COLEC10: variants seen among roughly 807,000 people sequenced by gnomAD.
COLEC10 encodes the protein collectin subfamily member 10.
A neutral mutation model predicts 28.4 loss-of-function variants in COLEC10; 22 were observed. The ratio of observed to expected loss-of-function variants is 0.78; its 90% CI spans 0.55 to 1.11. The LOEUF (loss-of-function observed/expected upper bound fraction) is 1.11. Among genes scored for constraint, COLEC10 ranks in the 50% least tolerant of loss-of-function variants. COLEC10 has a pLI of 0.00. For synonymous variants in COLEC10, 125 were observed against 116.1 expected, an observed-to-expected ratio of 1.08 and a Z score of -0.49; for missense variants, 361 against 344.1, an observed-to-expected ratio of 1.05 and a Z score of -0.39.
At chr8:119,032,922 C>T (rs1028146274) in intron 2 of COLEC10, among the ~76,000 whole-genome samples, 5 of 152,100 alleles carry the variant, frequency 3.3e-5, no homozygotes, top group African/African-American at 1.2e-4. Context: ...CAAACCAAAC[C>T]AAAACAAACC....
At chr8:119,063,745 A>G (rs1051359064), upstream of COLEC10, among the ~76,000 whole-genome samples, 6 of 150,960 alleles carry the variant, frequency 4.0e-5, no homozygotes, top group Non-Finnish European at 8.9e-5. Context: ...AAAAAAAAAG[A>G]AAAGAGTAGA....
chr8:119,102,213 TCCCTCCCTCCC>T, intron 3 of COLEC10, 124 bp from the exon 4 acceptor site: 1 of 2,222 alleles, frequency 4.5e-4, no homozygotes, highest in Non-Finnish European at 7.1e-4. Flanking sequence ...CACTCCTTCC[TCCCTCCCTCCC>T]TCCCTCCCTC....
intron 1 of COLEC10, among the ~76,000 whole-genome samples, chr8:119,001,540 T>C (rs1179141420): frequency 6.6e-6 from 1 of 152,158 alleles, no homozygotes; most frequent in African/African-American, 2.4e-5. Context: ...GCAGCAGTGA[T>C]GTGGCAACTA....
chr8:119,061,106 A>G (rs1367902047), intron 2 of COLEC10, among the ~76,000 whole-genome samples: 1 of 152,130 alleles, frequency 6.6e-6, no homozygotes, highest in Non-Finnish European at 1.5e-5. Context: ...GAATTTTTAT[A>G]ACTATAAAGG....
chr8:119,094,694 T>C (rs1439503262), intron 3 of COLEC10, among the ~76,000 whole-genome samples: 1 of 152,140 alleles, frequency 6.6e-6, no homozygotes, highest in Non-Finnish European at 1.5e-5. Flanking sequence ...ACTGGATTGA[T>C]ATGCAAGGCC....
intron 2 of COLEC10, among the ~76,000 whole-genome samples, chr8:119,033,629 C>T (rs572623796): frequency 6.6e-5 from 10 of 151,980 alleles, no homozygotes; most frequent in Non-Finnish European, 1.2e-4. Flanking sequence ...AGCCAACAAA[C>T]ATGAAAAAAA....
rs571730632 is a variant in COLEC10, at chr8:119,009,873, A to T, written n.235+320A>T. ...TAAAAAAAAATAGACTTTATGTTTT[A>T]GATAAATTTTTGGTTCACAGCAAAA... On this transcript the variant is annotated intron_variant and non_coding_transcript_variant, in intron 2 of 6. Coordinates refer to the COLEC10 transcript ENST00000521788. 1.4e-4 allele frequency among the ~76,000 whole-genome samples: 21 copies of T among 150,794 alleles called. 1 individual carries two copies. In the South Asian group the frequency reaches 4.4e-3, roughly 31 times the overall value.
upstream of COLEC10, among the ~76,000 whole-genome samples, chr8:119,062,511 A>T (rs1023644542): frequency 2.0e-5 from 3 of 149,504 alleles, no homozygotes; most frequent in Non-Finnish European, 4.4e-5. Context: ...ACGGAGTCTC[A>T]CTCTGTTGCT....
At chr8:119,078,276 G>T (rs1470997781) in intron 1 of COLEC10, among the ~76,000 whole-genome samples, 1 of 152,198 alleles carries the variant, frequency 6.6e-6, no homozygotes, top group Non-Finnish European at 1.5e-5. Context: ...TTTTGCAGAA[G>T]TTGTGAGATT....
In COLEC10 at chr8:119,108,167, A is replaced by T. The variant is rs1462344307; in HGVS notation, c.*1976A>T. ...TAGTACATGACACTTTAAAGGCAGA[A>T]AAGCTTAATAAAAATTACAAAGTAG... On this transcript the variant is annotated 3_prime_UTR_variant, in exon 6 of 6. Coordinates refer to ENST00000332843, the MANE Select transcript of COLEC10 (RefSeq NM_006438.5). 6.6e-6 allele frequency among the ~76,000 whole-genome samples: 1 copy of T among 152,188 alleles called. No homozygotes were observed. Among genetic ancestry groups the T allele is most frequent in the East Asian group, 1.9e-4 (1 of 5,190 alleles).
At chr8:119,100,468 A>C (rs1430877681) in intron 3 of COLEC10, among the ~76,000 whole-genome samples, 1 of 152,182 alleles carries the variant, frequency 6.6e-6, no homozygotes, top group Non-Finnish European at 1.5e-5. Context: ...TTTCCAACTT[A>C]CAGGTAAGAG....
intron 2 of COLEC10, among the ~76,000 whole-genome samples, chr8:119,055,453 G>C (rs1352285846): frequency 6.6e-6 from 1 of 152,008 alleles, no homozygotes; most frequent in African/African-American, 2.4e-5. Flanking sequence ...GTTAGCATGG[G>C]TCACAGTCTC....
At chr8:119,011,701 T>G (rs1478080087) in intron 2 of COLEC10, among the ~76,000 whole-genome samples, 1 of 150,966 alleles carries the variant, frequency 6.6e-6, no homozygotes, top group Non-Finnish European at 1.5e-5. Context: ...ATCTAAGTAT[T>G]TTGTGCTTTT....
At chr8:119,079,600 T>C (rs1815328597) in intron 1 of COLEC10, among the ~76,000 whole-genome samples, 1 of 144,942 alleles carries the variant, frequency 6.9e-6, no homozygotes, top group South Asian at 2.3e-4. Flanking sequence ...CAGTGTTAGT[T>C]CCCACCCTCC....
intron 2 of COLEC10, among the ~76,000 whole-genome samples, chr8:119,050,816 A>G (rs1814661439): frequency 6.6e-6 from 1 of 152,246 alleles, no homozygotes; most frequent in Non-Finnish European, 1.5e-5. Flanking sequence ...CCAAGTTCAT[A>G]TGCTCATTGC....
chr8:118,953,466 T>C, the COLEC10 span, among the ~76,000 whole-genome samples: 3 of 152,138 alleles, frequency 2.0e-5, no homozygotes, highest in Non-Finnish European at 2.9e-5. Flanking sequence ...TTTGAAGGTG[T>C]TTTTCTCAGA....
chr8:119,025,962 A>G (rs1426896946), intron 2 of COLEC10, among the ~76,000 whole-genome samples: 1 of 152,132 alleles, frequency 6.6e-6, no homozygotes, highest in Non-Finnish European at 1.5e-5. Context: ...ATGTCTTCCT[A>G]TCACCAAAGC....
the COLEC10 span, among the ~76,000 whole-genome samples, chr8:118,952,637 T>C: frequency 6.6e-6 from 1 of 152,170 alleles, no homozygotes; most frequent in Non-Finnish European, 1.5e-5. Flanking sequence ...AGAGTGAAAA[T>C]TGGACTGCCT....
intron 1 of COLEC10, among the ~76,000 whole-genome samples, chr8:119,079,644 T>G (rs528545015): frequency 8.9e-6 from 1 of 112,074 alleles, no homozygotes; most frequent in African/African-American, 3.5e-5. Context: ...ATGCAATGAC[T>G]GCAAAATAAT....
Sources: gnomAD v4.1 joint callset for allele counts (sites outside exome capture counted in the v4.1 genomes callset) on GRCh38, gnomAD v4.1.1 for gene constraint, MANE v1.5 for transcripts, NCBI Gene and HGNC (gene_info 2026-07-23, HGNC 2026-07-21) for gene names.